The following DLC1 variants were observed in gnomAD, a reference collection of about 807,000 sequenced individuals.
DLC1 encodes the protein DLC1 Rho GTPase activating protein.
In DLC1, 54 loss-of-function variants were observed where a neutral mutation model predicts 140.3. That is an observed-to-expected ratio of 0.38 (90% confidence interval 0.31 to 0.48). The LOEUF (loss-of-function observed/expected upper bound fraction) is 0.48. DLC1 is among the 20% of genes least tolerant of loss of function. The probability of loss-of-function intolerance (pLI) is 0.96; values close to 1 mark genes in which losing one functional copy is unlikely to be tolerated. For missense variants in DLC1, 2,536 were observed against 1,907.0 expected (o/e 1.33, Z -6.14); for synonymous variants, 986 against 728.1 (o/e 1.35, Z -5.70).
intron 5 of DLC1, among the ~76,000 whole-genome samples, chr8:13,285,113 C>G (rs898512657): frequency 2.0e-5 from 3 of 152,160 alleles, no homozygotes; most frequent in Non-Finnish European, 2.9e-5. Flanking sequence ...AGGATTTACA[C>G]TGCCTGATTC....
At chr8:13,434,101 T>C (rs1839005064) in intron 2 of DLC1, among the ~76,000 whole-genome samples, 1 of 152,220 alleles carries the variant, frequency 6.6e-6, no homozygotes, top group Non-Finnish European at 1.5e-5. Flanking sequence ...TGTCGCGAAC[T>C]TCTGACCTCA....
chr8:13,369,152 T>C (rs1056485347), intron 4 of DLC1, among the ~76,000 whole-genome samples: 6 of 152,144 alleles, frequency 3.9e-5, no homozygotes, highest in African/African-American at 1.4e-4. Context: ...TCCATTCATA[T>C]GTCCATCCTG....
chr8:13,436,888 A>G (rs1329652120), intron 2 of DLC1, among the ~76,000 whole-genome samples: 1 of 152,178 alleles, frequency 6.6e-6, no homozygotes. Context: ...AATTTGTAGC[A>G]ATGGAATTTT....
chr8:13,313,049 T>C (rs1328248843), intron 4 of DLC1, among the ~76,000 whole-genome samples: 3 of 152,186 alleles, frequency 2.0e-5, no homozygotes, highest in Non-Finnish European at 4.4e-5. Context: ...GAATAGTAGC[T>C]TTTTGCTGGT....
rs191793319 is a variant in DLC1 at position 13,417,912 on chromosome 8, C to G, written c.1024-16293G>C. 5.8e-3 allele frequency among the ~76,000 whole-genome samples: 882 copies of G among 151,778 alleles called. 8 individuals carry two copies. Among genetic ancestry groups the G allele is most frequent in the African/African-American group, 0.017 (721 of 41,480 alleles). ...TTTAATGATTGCCGTCATTCTAACT[C>G]GTGTGAGATGGTATCTCATTGTGGT... On this transcript the variant is annotated intron_variant, in intron 2 of 17. Transcript: ENST00000276297.
Position 13,099,800 on chromosome 8 carries a change from G to A in DLC1, c.2537C>T (p.Pro846Leu). 1 of 1,614,154 alleles carries A rather than the reference G, an allele frequency of 6.2e-7. No individual in the cohort carries two copies. The highest frequency in any genetic ancestry group is 8.5e-7 in the Non-Finnish European group (1 of 1,180,044). Residue 846 changes from proline (P) to leucine (L), a missense_variant, in exon 9 of 18, where the codon CCT becomes CTT. Coordinates refer to ENST00000276297, the MANE Select transcript of DLC1 (RefSeq NM_182643.3). ...VNWRTGSFHG[P>L]GHISLRRENS... ...TTCCCTCCTGAGGCTGATGTGGCCA[G>A]GGCCGTGGAAGCTTCCCGTCCTCCA...
At chr8:13,414,006 C>T (rs1837932129) in intron 2 of DLC1, among the ~76,000 whole-genome samples, 1 of 151,982 alleles carries the variant, frequency 6.6e-6, no homozygotes, top group Non-Finnish European at 1.5e-5. Context: ...TGAATTATAT[C>T]AGTGATATAA....
intron 5 of DLC1, chr8:13,133,083 C>G: frequency 6.5e-7 from 1 of 1,529,270 alleles, no homozygotes; most frequent in South Asian, 1.3e-5. Context: ...AGACGCGCGC[C>G]CTCGCGGTCC....
At chr8:13,156,998 G>T (rs1035537207) in intron 5 of DLC1, among the ~76,000 whole-genome samples, 1 of 152,140 alleles carries the variant, frequency 6.6e-6, no homozygotes, top group Admixed American at 6.5e-5. Context: ...CTGATTCTCA[G>T]ACAGGAAGTG....
At chr8:13,443,613 G>A (rs1347514796) in intron 2 of DLC1, among the ~76,000 whole-genome samples, 3 of 143,498 alleles carry the variant, frequency 2.1e-5, no homozygotes, top group Non-Finnish European at 3.0e-5. Flanking sequence ...AGCCAAGATC[G>A]CGCCACTGCA....
In DLC1 at chr8:13,161,963, A is replaced by G. The variant is rs117404998; in HGVS notation, c.1349-46306T>C. Among the ~76,000 whole-genome samples, 728 of 152,348 alleles carry G rather than the reference A, an allele frequency of 4.8e-3. 5 individuals carry two copies. The highest frequency in any genetic ancestry group is 4.2e-3 in the Admixed American group (64 of 15,306). On this transcript the variant is annotated intron_variant, in intron 5 of 17. Coordinates refer to ENST00000276297, the MANE Select transcript of DLC1 (RefSeq NM_182643.3). ...AGGTAGAGGCTTTTGTGATAAATAA[A>G]ACACAAAGTAATTTCAAAATGTACC...
At chr8:13,311,653 G>T (rs2117550188) in intron 4 of DLC1, among the ~76,000 whole-genome samples, 1 of 152,242 alleles carries the variant, frequency 6.6e-6, no homozygotes, top group Middle Eastern at 3.4e-3. Context: ...AGTTTTTGTA[G>T]ACTGAAATTA....
intron 5 of DLC1, among the ~76,000 whole-genome samples, chr8:13,300,280 T>G (rs111832956): frequency 0.051 from 7,731 of 152,158 alleles, 251 homozygotes; most frequent in South Asian, 0.13. Context: ...GGGCCTTTTT[T>G]GGGGAGGATG....
intron 5 of DLC1, among the ~76,000 whole-genome samples, chr8:13,270,237 C>T (rs1297582479): frequency 6.6e-6 from 1 of 152,130 alleles, no homozygotes; most frequent in Non-Finnish European, 1.5e-5. Context: ...TCCTACCAGG[C>T]CTTCGATTTT....
intron 5 of DLC1, among the ~76,000 whole-genome samples, chr8:13,134,917 A>G (rs907852633): frequency 3.3e-5 from 5 of 152,176 alleles, no homozygotes; most frequent in African/African-American, 1.2e-4. Flanking sequence ...CTTTTTACCT[A>G]CTGGTAACTG....
chr8:13,574,924 C>G (rs1167072915), intron 1 of DLC1, among the ~76,000 whole-genome samples: 1 of 152,160 alleles, frequency 6.6e-6, no homozygotes, highest in Admixed American at 6.5e-5. Context: ...TCTGCAGCAG[C>G]ATAGTAAACA....
intron 2 of DLC1, among the ~76,000 whole-genome samples, chr8:13,441,084 A>T (rs1489029646): frequency 1.3e-5 from 2 of 152,232 alleles, no homozygotes; most frequent in Admixed American, 1.3e-4. Flanking sequence ...AACTACCACT[A>T]CGAAGAATTT....
chr8:13,464,098 C>T (rs1241105120), intron 2 of DLC1, among the ~76,000 whole-genome samples: 3 of 152,092 alleles, frequency 2.0e-5, no homozygotes, highest in African/African-American at 7.2e-5. Context: ...CGGGGGAAAC[C>T]AGCAGGGTTG....
chr8:13,402,628 C>T (rs1837348114), intron 2 of DLC1, among the ~76,000 whole-genome samples: 1 of 152,104 alleles, frequency 6.6e-6, no homozygotes, highest in Non-Finnish European at 1.5e-5. Context: ...TTTAAAAGGA[C>T]CACCAGTGGC....
Sources: allele counts gnomAD v4.1 joint callset (sites outside exome capture counted in the v4.1 genomes callset), GRCh38; gene constraint gnomAD v4.1.1; transcripts MANE v1.5; gene names NCBI Gene and HGNC (gene_info 2026-07-23, HGNC 2026-07-21).